The following ARID1B variants were observed in gnomAD, a reference collection of about 807,000 sequenced individuals.
ARID1B encodes the protein AT-rich interaction domain 1B.
A neutral mutation model predicts 212.3 loss-of-function variants in ARID1B; 30 were observed. The ratio of observed to expected loss-of-function variants is 0.14; its 90% CI spans 0.11 to 0.19. ARID1B has a LOEUF of 0.19. Among genes scored for constraint, ARID1B ranks in the 10% least tolerant of loss-of-function variants. The pLI is 1.00. For synonymous variants in ARID1B, 1,402 were observed against 1,301.7 expected, an observed-to-expected ratio of 1.08 and a Z score of -1.66; for missense variants, 2,891 against 3,204.0, an observed-to-expected ratio of 0.90 and a Z score of 2.36.
intron 2 of ARID1B, among the ~76,000 whole-genome samples, chr6:156,897,209 GCTGCTGCTGCTTCTTCTTCTTCTT>G (rs1209861861): frequency 5.5e-5 from 4 of 73,014 alleles, no homozygotes; most frequent in African/African-American, 1.9e-4. Context: ...TGCTGCTGCT[GCTGCTGCTGCTTCTTCTTCTTCTT>G]CTTCTTCTTC....
chr6:156,959,831 T>G (rs1583030409), intron 4 of ARID1B, among the ~76,000 whole-genome samples: 1 of 151,908 alleles, frequency 6.6e-6, no homozygotes, highest in Non-Finnish European at 1.5e-5. Context: ...AGGCGGGAGG[T>G]CTGCACACCA....
intron 7 of ARID1B, among the ~76,000 whole-genome samples, chr6:157,137,295 A>G (rs1049939754): frequency 6.6e-6 from 1 of 152,224 alleles, no homozygotes; most frequent in Non-Finnish European, 1.5e-5. Context: ...TAAATGTGTA[A>G]AAATACTTAA....
intron 13 of ARID1B, among the ~76,000 whole-genome samples, chr6:157,187,795 C>CTTT (rs1325925330): frequency 7.0e-6 from 1 of 143,138 alleles, no homozygotes; most frequent in Non-Finnish European, 1.5e-5. Flanking sequence ...GAGATTTTTC[C>CTTT]TTTTTTTTTT....
chr6:157,199,302 G>A (rs1209583816), intron 17 of ARID1B, among the ~76,000 whole-genome samples: 2 of 152,132 alleles, frequency 1.3e-5, no homozygotes, highest in East Asian at 3.8e-4. Flanking sequence ...TTAAAATATT[G>A]TATACTAATA....
At position 157,180,536 on chromosome 6, in the gene ARID1B, G is replaced by A. The variant is rs150582885; in HGVS notation, c.3505-433G>A. 3.2e-3 allele frequency among the ~76,000 whole-genome samples: 492 copies of A among 152,210 alleles called. 7 individuals are homozygous for A. Among genetic ancestry groups the A allele is most frequent in the African/African-American group, 0.011 (467 of 41,542 alleles). ...GACACCCTTTAGCCATTCTTGTTTTGACAAGGAAAAGTAGGAGTCCATTTA... is the reference window on the plus strand; with the variant it reads ...GACACCCTTTAGCCATTCTTGTTTTAACAAGGAAAAGTAGGAGTCCATTTA... On this transcript the variant is annotated intron_variant, in intron 11 of 19. Transcript: ENST00000636930.
chr6:156,970,693 G>A (rs1776868062), intron 4 of ARID1B, among the ~76,000 whole-genome samples: 1 of 152,218 alleles, frequency 6.6e-6, no homozygotes, highest in Admixed American at 6.5e-5. Context: ...ATGCTTCAGT[G>A]CCCAGCCTTC....
intron 7 of ARID1B, among the ~76,000 whole-genome samples, chr6:157,133,994 T>C (rs895902383): frequency 6.6e-6 from 1 of 152,260 alleles, no homozygotes; most frequent in African/African-American, 2.4e-5. Context: ...ATTTTGTTTA[T>C]TTAAATTAGA....
chr6:156,860,824 T>TC (rs540852417), intron 2 of ARID1B, among the ~76,000 whole-genome samples: 3 of 152,228 alleles, frequency 2.0e-5, no homozygotes, highest in African/African-American at 7.2e-5. Context: ...TTCTTTTTTT[T>TC]CCCCCTCTAC....
chr6:156,907,742 C>CAAAAAAAAA (rs113702446), intron 3 of ARID1B, among the ~76,000 whole-genome samples: 1 of 122,618 alleles, frequency 8.2e-6, no homozygotes. Context: ...ACTAAAAATG[C>CAAAAAAAAA]AAAAAAAAAA....
Position 157,206,474 on chromosome 6 carries a change from C to T in ARID1B, c.5702C>T (p.Pro1901Leu), listed in dbSNP as rs767643077. The stretch of plus-strand genomic sequence containing the variant: ...GCCGCTGCAGACCCAAAGGAGAAGC[C>T]CAAGCAAGCCAGTAAGTTCGACAAG... ...PDAAADPKEK[P>L]KQASKFDKLP... Residue 1901 changes from proline (P) to leucine (L), a missense_variant, in exon 20 of 20, where the codon CCC becomes CTC. Physicochemically the swap from Pro to Leu is moderately conservative, Grantham distance 98. Around this residue, in one of 7 missense-constraint regions of ARID1B, gnomAD observed 332 missense variants for 369.2 expected, o/e 0.90. Transcript: ENST00000636930. This position sits in a 1 kb window ranked among gnomAD's most constrained non-coding sequence, Gnocchi z 6.8. 1 of 1,613,982 alleles carries T rather than the reference C, an allele frequency of 6.2e-7. No individual in the cohort carries two copies. Among genetic ancestry groups the T allele is most frequent in the Non-Finnish European group, 8.5e-7 (1 of 1,180,026 alleles).
At chr6:156,954,107 T>G (rs1425579491) in intron 4 of ARID1B, among the ~76,000 whole-genome samples, 1 of 152,152 alleles carries the variant, frequency 6.6e-6, no homozygotes, top group Non-Finnish European at 1.5e-5. Context: ...GCTCCTTTAT[T>G]TTTTGGACTT....
intron 4 of ARID1B, among the ~76,000 whole-genome samples, chr6:157,021,161 TTCAGGCCGCCAGCTC>T (rs1231492319): frequency 1.3e-5 from 2 of 152,024 alleles, no homozygotes; most frequent in African/African-American, 2.4e-5. Flanking sequence ...CAGGACCGCT[TTCAGGCCGCCAGCTC>T]TCAGGCCTCG....
rs562037567 is a variant in ARID1B, at chr6:157,175,029, G to GT, written c.3504+32dup. ...CTGTAAGTGGCTCTGGTTTTTTTTT[G>GT]TTTTTTTTGTTTTTTGTTTTTTTGG... On this transcript the variant is annotated intron_variant, in intron 11 of 19. Transcript: ENST00000636930. 1.5e-3 allele frequency: 2,068 copies of GT among 1,348,802 alleles called. 3 individuals are homozygous for GT. The highest frequency in any genetic ancestry group is 2.1e-3 in the African/African-American group (141 of 65,838). 83.6% of individuals were successfully genotyped at this position (1,348,802 alleles called of 1,614,324 possible).
intron 4 of ARID1B, among the ~76,000 whole-genome samples, chr6:157,038,803 G>A (rs1781500877): frequency 6.6e-6 from 1 of 152,080 alleles, no homozygotes; most frequent in Non-Finnish European, 1.5e-5. Context: ...ATGCAGCAAC[G>A]TTATAGAAGA....
At chr6:156,973,333 G>T (rs577427386) in intron 4 of ARID1B, among the ~76,000 whole-genome samples, 1 of 152,068 alleles carries the variant, frequency 6.6e-6, no homozygotes, top group Non-Finnish European at 1.5e-5. Flanking sequence ...GTACGCATAC[G>T]TAGTTTATAA....
rs182670535 is a variant in ARID1B at position 156,967,862 on chromosome 6, T to C, written c.2247+32286T>C. On this transcript the variant is annotated intron_variant, in intron 4 of 19. Coordinates refer to ENST00000636930, the MANE Select transcript of ARID1B (RefSeq NM_001374828.1). The stretch of plus-strand genomic sequence containing the variant: ...TGGTGATAAGATTTGCAAGGAACTT[T>C]GGTTCATTCAGTAGGGAGCCCAGTT... Among the ~76,000 whole-genome samples, 18 of 152,340 alleles carry C rather than the reference T, an allele frequency of 1.2e-4. No individual in the cohort carries two copies. The East Asian group carries it at 3.1e-3, about 26-fold the overall frequency.
chr6:157,042,729 A>C (rs1583204083), intron 4 of ARID1B, among the ~76,000 whole-genome samples: 1 of 141,712 alleles, frequency 7.1e-6, no homozygotes, highest in African/African-American at 2.7e-5. Context: ...CGTGATCTCC[A>C]CTCACTGCAG....
intron 2 of ARID1B, among the ~76,000 whole-genome samples, chr6:156,883,674 A>G (rs1787281328): frequency 6.6e-6 from 1 of 151,592 alleles, no homozygotes; most frequent in South Asian, 2.1e-4. Context: ...ACCTCGTCTC[A>G]CTCCAGCCCC....
chr6:156,893,060 T>TG lies in ARID1B; in HGVS notation c.1987-8315dup, dbSNP rs1562464771. Among the ~76,000 whole-genome samples, 2 of 137,700 alleles carry TG rather than the reference T, an allele frequency of 1.5e-5. 1 individual carries two copies. Among genetic ancestry groups the TG allele is most frequent in the African/African-American group, 5.5e-5 (2 of 36,090 alleles). 90.3% of individuals were successfully genotyped at this position (137,700 alleles called of 152,430 possible). The stretch of plus-strand genomic sequence containing the variant: ...TTTTTTCTTCCTTTTTTTTTTTTTT[T>TG]GAGATGGAGTCTTGCCCTGTCACCC... On this transcript the variant is annotated intron_variant, in intron 2 of 19. Transcript: ENST00000636930.
Sources: allele counts gnomAD v4.1 joint callset (sites outside exome capture counted in the v4.1 genomes callset), GRCh38; gene constraint gnomAD v4.1.1; regional missense constraint gnomAD v4.1.1; non-coding constraint Gnocchi (gnomAD v3.1); transcripts MANE v1.5; gene names NCBI Gene and HGNC (gene_info 2026-07-23, HGNC 2026-07-21).